MED26: variants seen among roughly 807,000 people sequenced by gnomAD.
MED26 encodes the protein mediator complex subunit 26, also known as mediator of RNA polymerase II transcription subunit 26.
A neutral mutation model predicts 43.7 loss-of-function variants in MED26; 7 were observed. The ratio of observed to expected loss-of-function variants is 0.16; its 90% CI spans 0.09 to 0.30. The LOEUF is 0.30. Among genes scored for constraint, MED26 ranks in the 10% least tolerant of loss-of-function variants. The probability of loss-of-function intolerance (pLI) is 1.00; values close to 1 mark genes in which losing one functional copy is unlikely to be tolerated. For synonymous variants in MED26, 375 were observed against 371.1 expected, an observed-to-expected ratio of 1.01 and a Z score of -0.12; for missense variants, 784 against 840.6, an observed-to-expected ratio of 0.93 and a Z score of 0.83.
At chr19:16,589,751 T>A (rs769625590) in intron 1 of MED26, among the ~76,000 whole-genome samples, 7 of 152,212 alleles carry the variant, frequency 4.6e-5, no homozygotes, top group Non-Finnish European at 1.0e-4. Context: ...TCTAGATGTA[T>A]ATTTTCTAGA....
chr19:16,626,781 A>T (rs1384544564), intron 1 of MED26, among the ~76,000 whole-genome samples: 1 of 152,152 alleles, frequency 6.6e-6, no homozygotes, highest in Non-Finnish European at 1.5e-5. Flanking sequence ...CTCAATGGCC[A>T]CTTCCTGGGA....
intron 1 of MED26, chr19:16,610,384 C>T (rs554909293): frequency 2.0e-5 from 3 of 151,506 alleles, no homozygotes; most frequent in Non-Finnish European, 2.9e-5. Flanking sequence ...TTTTATTTTC[C>T]TTATAATTTC....
chr19:16,602,611 A>G (rs941332403), intron 1 of MED26, among the ~76,000 whole-genome samples: 3 of 152,242 alleles, frequency 2.0e-5, no homozygotes, highest in African/African-American at 4.8e-5. Flanking sequence ...TCAGGAACAG[A>G]TGAATGAATA....
Position 16,576,098 on chromosome 19 carries a change from G to A in MED26, c.1732C>T (p.Gln578Ter). 1 of 1,613,958 alleles carries A rather than the reference G, an allele frequency of 6.2e-7. No homozygotes were observed. Among genetic ancestry groups the A allele is most frequent in the Non-Finnish European group, 8.5e-7 (1 of 1,180,034 alleles). ...DTQGNWYDWTQCISLDPHGDD... is the reference protein window; with the variant it reads ...DTQGNWYDWT ...CCGTGCGGATCGAGCGATATGCACT[G>A]CGTCCAGTCATACCAGTTACCCTGT... Residue 578 changes from glutamine (Q) to a stop codon, truncating the protein, a stop_gained, in exon 3 of 3, where the codon CAG (glutamine) becomes TAG (stop). Transcript: ENST00000263390. LOFTEE classifies it high-confidence loss of function. The surrounding 1 kb of genome is among the most constrained non-coding windows in gnomAD (Gnocchi z 6.8).
chr19:16,607,240 A>G (rs1331874810), intron 1 of MED26, among the ~76,000 whole-genome samples: 1 of 152,082 alleles, frequency 6.6e-6, no homozygotes, highest in Non-Finnish European at 1.5e-5. Context: ...GTGTGGTGGC[A>G]TATACCTGTA....
At chr19:16,580,817 C>T (rs2086041503) in intron 1 of MED26, among the ~76,000 whole-genome samples, 1 of 152,146 alleles carries the variant, frequency 6.6e-6, no homozygotes, top group South Asian at 2.1e-4. Flanking sequence ...GAGTCCTCAC[C>T]CGGCATCTCT....
rs371372879 is a variant in MED26 at position 16,576,074 on chromosome 19, C to T, written c.1756G>A (p.Gly586Ser). 4.3e-6 allele frequency: 7 copies of T among 1,613,684 alleles called. No homozygotes were observed. The highest frequency in any genetic ancestry group is 5.1e-6 in the Non-Finnish European group (6 of 1,180,016). Residue 586 changes from glycine (G) to serine (S), a missense_variant, in exon 3 of 3, where the codon GGC becomes AGC. By Grantham distance (56) the Gly-to-Ser change is moderately conservative. This residue lies in a region of MED26 where 719 missense variants were observed against 730.9 expected (regional missense o/e 0.98). Transcript: ENST00000263390. The surrounding 1 kb of genome is among the most constrained non-coding windows in gnomAD (Gnocchi z 6.8). ...AGAATGTTCAAGCGCCCGTCGTCGCCGTGCGGATCGAGCGATATGCACTGC... is the reference window on the plus strand; with the variant it reads ...AGAATGTTCAAGCGCCCGTCGTCGCTGTGCGGATCGAGCGATATGCACTGC... ...WTQCISLDPH[G>S]DDGRLNILPY...
Position 16,575,822 on chromosome 19 carries a change from TA to T in MED26, c.*204del. ...CGGTCCTTCTTCGCAATTTTGTTAG[TA>T]AACTGGTAGCAGCATTTCACAAAAA... is the stretch of plus-strand genomic sequence containing the variant. On this transcript the variant is annotated 3_prime_UTR_variant, in exon 3 of 3. Coordinates refer to ENST00000263390, the MANE Select transcript of MED26 (RefSeq NM_004831.5). The T allele has an allele frequency of 1.7e-6, 1 of 583,378 alleles. No individual in the cohort carries two copies. Among genetic ancestry groups the T allele is most frequent in the Non-Finnish European group, 3.0e-6 (1 of 328,820 alleles). The allele number at this position is 583,378 out of a possible 1,614,324, so 36.1% of individuals were successfully genotyped here. A position where few individuals can be genotyped will look rare whatever the true frequency, so the allele number is the denominator to read the frequency against.
At chr19:16,617,625 A>G (rs2086232169) in intron 1 of MED26, among the ~76,000 whole-genome samples, 1 of 152,142 alleles carries the variant, frequency 6.6e-6, no homozygotes, top group Non-Finnish European at 1.5e-5. Context: ...CTCCACCCCA[A>G]TTTCAATCCC....
At position 16,577,288 on chromosome 19, in the gene MED26, G is replaced by C. The variant is rs2122374003; in HGVS notation, c.542C>G (p.Pro181Arg). 6.2e-7 allele frequency: 1 copy of C among 1,611,924 alleles called. No homozygotes were observed. The highest frequency in any genetic ancestry group is 2.2e-5 in the East Asian group (1 of 44,830). ...TGGACTCCCACTGATCCCGTTGGTG[G>C]GGAGGGGGGATGAGTTGGGGACCAG... The part of the protein sequence containing the change: ...DPLVPNSSPL[P>R]TNGISGSPES... Residue 181 changes from proline to arginine, a missense_variant, in exon 3 of 3, where the codon CCC (proline) becomes CGC (arginine). Pro to Arg is a moderately radical substitution (Grantham distance 103, BLOSUM62 -2). This residue lies in a region of MED26 where 719 missense variants were observed against 730.9 expected (regional missense o/e 0.98). Transcript: ENST00000263390. The surrounding 1 kb of genome is among the most constrained non-coding windows in gnomAD (Gnocchi z 8.1).
rs2086000547 is a variant in MED26 at position 16,576,419 on chromosome 19, G to C, written c.1411C>G (p.Pro471Ala). The change falls in exon 3 of 3, where the codon CCC becomes GCC. Residue 471 changes from proline (P) to alanine (A), a missense_variant. Transcript: ENST00000263390. This position sits in a 1 kb window ranked among gnomAD's most constrained non-coding sequence, Gnocchi z 6.8. ...KQEAKASLQS[P>A]FEQTNWKELS... The stretch of plus-strand genomic sequence containing the variant: ...TCCTTCCAGTTCGTCTGTTCGAAGG[G>C]GCTCTGGAGGCTGGCCTTGGCCTCC... The C allele has an allele frequency of 1.2e-6, 2 of 1,614,034 alleles. No homozygotes were observed. Among genetic ancestry groups the C allele is most frequent in the African/African-American group, 2.7e-5 (2 of 74,928 alleles).
At chr19:16,585,486 G>A (rs886425133) in intron 1 of MED26, among the ~76,000 whole-genome samples, 1 of 152,116 alleles carries the variant, frequency 6.6e-6, no homozygotes, top group African/African-American at 2.4e-5. Flanking sequence ...CAATGAGCCA[G>A]CAGTAACCCA....
At chr19:16,619,384 C>CCACA (rs2086240979) in intron 1 of MED26, among the ~76,000 whole-genome samples, 1 of 152,158 alleles carries the variant, frequency 6.6e-6, no homozygotes, top group African/African-American at 2.4e-5. Flanking sequence ...ATGGTAACTA[C>CCACA]TACATCACCC....
chr19:16,611,627 C>G (rs1386295962), intron 1 of MED26: 1 of 152,098 alleles, frequency 6.6e-6, no homozygotes, highest in East Asian at 1.9e-4. Context: ...TCCATTTTAC[C>G]CCAAGTTCTA....
At chr19:16,614,332 A>G (rs2086213171) in intron 1 of MED26, among the ~76,000 whole-genome samples, 1 of 152,128 alleles carries the variant, frequency 6.6e-6, no homozygotes, top group South Asian at 2.1e-4. Flanking sequence ...ATTTGAGACC[A>G]GCCTGGGCAA....
In MED26 at chr19:16,586,625, G is replaced by C. The variant is rs915065695; in HGVS notation, c.73-8216C>G. 6.6e-6 allele frequency among the ~76,000 whole-genome samples: 1 copy of C among 152,250 alleles called. No individual in the cohort carries two copies. The highest frequency in any genetic ancestry group is 6.5e-5 in the Admixed American group (1 of 15,292). On this transcript the variant is annotated intron_variant, in intron 1 of 2. Coordinates refer to ENST00000263390, the MANE Select transcript of MED26 (RefSeq NM_004831.5). The surrounding 1 kb of genome is among the most constrained non-coding windows in gnomAD (Gnocchi z 5.1). ...CAGGCATGCACGGGCCACCACAGCA[G>C]GGCTTCAGATGGCACTGGAGCCCAC... is the stretch of plus-strand genomic sequence containing the variant.
intron 1 of MED26, among the ~76,000 whole-genome samples, chr19:16,622,770 C>A (rs1471219396): frequency 6.6e-6 from 1 of 152,204 alleles, no homozygotes; most frequent in African/African-American, 2.4e-5. Flanking sequence ...CGTGCAGTAA[C>A]AAAGCACCCA....
intron 1 of MED26, among the ~76,000 whole-genome samples, chr19:16,599,784 C>T (rs2086139993): frequency 6.6e-6 from 1 of 152,106 alleles, no homozygotes; most frequent in Admixed American, 6.5e-5. Flanking sequence ...CCCTGCAGCG[C>T]AGCTGGGCAA....
intron 1 of MED26, chr19:16,588,351 G>A (rs1043868174): frequency 6.6e-6 from 1 of 152,332 alleles, no homozygotes; most frequent in Non-Finnish European, 1.5e-5. Context: ...GCCAAAGACA[G>A]AGCCCAAATA....
Sources: allele counts gnomAD v4.1 joint callset (sites outside exome capture counted in the v4.1 genomes callset), GRCh38; gene constraint gnomAD v4.1.1; regional missense constraint gnomAD v4.1.1; non-coding constraint Gnocchi (gnomAD v3.1); transcripts MANE v1.5; gene names NCBI Gene and HGNC (gene_info 2026-07-23, HGNC 2026-07-21).